ATP10A: variants seen among roughly 807,000 people sequenced by gnomAD.
ATP10A encodes the protein phospholipid-transporting ATPase VA.
Under a neutral mutation model 147.8 loss-of-function variants are expected in ATP10A, and 111 were observed. The ratio of observed to expected loss-of-function variants is 0.75; its 90% CI spans 0.64 to 0.88. The LOEUF (loss-of-function observed/expected upper bound fraction) is 0.88, where lower values mean the gene tolerates loss of function less well. Among genes scored for constraint, ATP10A ranks in the 40% least tolerant of loss-of-function variants. The probability of loss-of-function intolerance (pLI) is 0.00; values close to 1 mark genes in which losing one functional copy is unlikely to be tolerated. For missense variants in ATP10A, 1,927 were observed against 1,959.0 expected, an observed-to-expected ratio of 0.98 and a Z score of 0.31; for synonymous variants, 875 against 841.6, an observed-to-expected ratio of 1.04 and a Z score of -0.69.
intron 1 of ATP10A, among the ~76,000 whole-genome samples, chr15:25,794,487 G>C (rs566637637): frequency 4.6e-5 from 7 of 152,186 alleles, no homozygotes; most frequent in African/African-American, 1.7e-4. Context: ...AGTACCTTAA[G>C]CAAACAAACA....
rs758961668 is a variant in ATP10A, at chr15:25,679,569, G to A, written c.4272C>T (p.Thr1424=). Residue 1424 remains threonine, a synonymous_variant, in exon 21 of 21, where the codon ACC becomes ACT. Coordinates refer to ENST00000555815, the MANE Select transcript of ATP10A (RefSeq NM_024490.4). ...GCAGGCTGAAGAGGGAAGACAGGGG[G>A]GTCACCCTGCCGGTGCTGGCAGCTC... ...KVRAASTGRV[T]PLSSLFSLPT... is the part of the protein sequence containing the mutation. 1.2e-6 allele frequency: 2 copies of A among 1,611,058 alleles called. No homozygotes were observed. Among genetic ancestry groups the A allele is most frequent in the Admixed American group, 3.3e-5 (2 of 59,970 alleles).
intron 2 of ATP10A, among the ~76,000 whole-genome samples, chr15:25,758,736 C>CCACCTGCTCCACCCTAACTCATTCCGAT (rs1567361297): frequency 9.1e-6 from 1 of 109,504 alleles, no homozygotes; most frequent in Admixed American, 9.9e-5. Flanking sequence ...CTCATTCCGA[C>CCACCTGCTCCACCCTAACTCATTCCGAT]CACCTGCTCC....
At chr15:25,746,930 C>G (rs1887871416) in intron 2 of ATP10A, among the ~76,000 whole-genome samples, 2 of 152,008 alleles carry the variant, frequency 1.3e-5, no homozygotes, top group African/African-American at 4.8e-5. Flanking sequence ...AAGTGTAATG[C>G]AAATAATATC....
intron 1 of ATP10A, among the ~76,000 whole-genome samples, chr15:25,836,937 C>T (rs192476795): frequency 6.6e-6 from 1 of 152,306 alleles, no homozygotes; most frequent in East Asian, 1.9e-4. Context: ...TGCCATGGGG[C>T]TCTCTTTTCT....
downstream of ATP10A, among the ~76,000 whole-genome samples, chr15:25,674,996 A>T (rs1201832527): frequency 1.3e-5 from 2 of 152,222 alleles, no homozygotes; most frequent in Non-Finnish European, 2.9e-5. Context: ...AGAACTGAGG[A>T]TGCTGAAAAT....
At chr15:25,783,105 G>C (rs1890005279) in intron 1 of ATP10A, among the ~76,000 whole-genome samples, 1 of 152,182 alleles carries the variant, frequency 6.6e-6, no homozygotes, top group Non-Finnish European at 1.5e-5. Context: ...AAGCCCAGGA[G>C]ATCAAGGCTG....
intron 2 of ATP10A, among the ~76,000 whole-genome samples, 175 bp from the exon 3 acceptor site, chr15:25,736,316 C>T (rs1887278315): frequency 6.6e-6 from 1 of 152,208 alleles, no homozygotes. Flanking sequence ...TAATAAATAA[C>T]AGTTAATCAT....
intron 3 of ATP10A, among the ~76,000 whole-genome samples, chr15:25,729,793 C>G (rs1034072600): frequency 2.0e-5 from 3 of 152,206 alleles, no homozygotes; most frequent in Non-Finnish European, 4.4e-5. Flanking sequence ...CCAGGCCCCC[C>G]ACCCAGGCCA....
At chr15:25,800,639 T>G (rs1265857047) in intron 1 of ATP10A, among the ~76,000 whole-genome samples, 1 of 152,186 alleles carries the variant, frequency 6.6e-6, no homozygotes, top group Non-Finnish European at 1.5e-5. Flanking sequence ...AAAGTGAGTT[T>G]ACGGAGGTAC....
rs1892488083 is a variant in ATP10A, at chr15:25,834,068, C to T, written c.449+28580G>A. On this transcript the variant is annotated intron_variant, in intron 1 of 20. Coordinates refer to ENST00000555815, the MANE Select transcript of ATP10A (RefSeq NM_024490.4). The stretch of plus-strand genomic sequence containing the variant: ...TTATTATGCTATTATATGCTATTAA[C>T]TACTAACTATGTGTGTTATTAACTA... 2.0e-5 allele frequency among the ~76,000 whole-genome samples: 3 copies of T among 151,752 alleles called. No homozygotes were observed. The South Asian group carries it at 6.2e-4, about 31-fold the overall frequency.
At chr15:25,675,075 C>G (rs988681228), downstream of ATP10A, among the ~76,000 whole-genome samples, 17 of 152,336 alleles carry the variant, frequency 1.1e-4, no homozygotes, top group South Asian at 8.3e-4. Context: ...TGGGTGTGCG[C>G]ACGCTGCTCG....
intron 6 of ATP10A, among the ~76,000 whole-genome samples, chr15:25,722,424 T>G (rs1439076277): frequency 6.6e-6 from 1 of 152,222 alleles, no homozygotes; most frequent in Non-Finnish European, 1.5e-5. Context: ...GCTCTTCTTG[T>G]ACAATGCAGA....
chr15:25,688,013 G>T, intron 15 of ATP10A, 185 bp from the exon 16 acceptor site: 2 of 728,758 alleles, frequency 2.7e-6, no homozygotes, highest in Non-Finnish European at 4.7e-6. Context: ...TTACAAAAGA[G>T]GCAATCTCAC....
intron 1 of ATP10A, among the ~76,000 whole-genome samples, chr15:25,860,029 C>T (rs1052882049): frequency 5.3e-5 from 8 of 152,162 alleles, no homozygotes; most frequent in South Asian, 4.2e-4. Context: ...CACAGTCGTG[C>T]GTCTGGTCTT....
chr15:25,836,102 A>C (rs28573196), intron 1 of ATP10A, among the ~76,000 whole-genome samples: 31,699 of 152,122 alleles, frequency 0.21, 3,375 homozygotes, highest in South Asian at 0.24. Context: ...CATGAGCCAA[A>C]GCGCCTGGCC....
Position 25,726,030 on chromosome 15 carries a change from G to C in ATP10A, c.900C>G (p.Ser300Arg). The C allele has an allele frequency of 6.2e-7, 1 of 1,614,170 alleles. No homozygotes were observed. Among genetic ancestry groups the C allele is most frequent in the Non-Finnish European group, 8.5e-7 (1 of 1,180,012 alleles). The change falls in exon 5 of 21, where the codon AGC becomes AGG. Residue 300 changes from serine to arginine, a missense_variant. Transcript: ENST00000555815. ...LNNSGPRYKR[S>R]KLERQMNCDV... ...CGCAGTTCATCTGCCTCTCCAGCTT[G>C]CTGCGCTTGTAGCGGGGCCCACTGT...
chr15:25,696,202 A>C (rs1900329921), intron 13 of ATP10A, among the ~76,000 whole-genome samples: 1 of 152,196 alleles, frequency 6.6e-6, no homozygotes, highest in Non-Finnish European at 1.5e-5. Flanking sequence ...ACGCTTACTG[A>C]GGATCCTTTG....
chr15:25,765,280 T>C (rs142976274), intron 2 of ATP10A, among the ~76,000 whole-genome samples: 1 of 152,268 alleles, frequency 6.6e-6, no homozygotes, highest in Non-Finnish European at 1.5e-5. Context: ...CTCTATAGAA[T>C]ACCTGCCAAT....
chr15:25,757,885 CCTAA>C (rs756350382), intron 2 of ATP10A, among the ~76,000 whole-genome samples: 1,014 of 92,766 alleles, frequency 0.011, 49 homozygotes, highest in East Asian at 0.07. Flanking sequence ...CCTGCTCCAC[CCTAA>C]CTCATTCCTA....
Sources: gnomAD v4.1 joint callset for allele counts (sites outside exome capture counted in the v4.1 genomes callset) on GRCh38, gnomAD v4.1.1 for gene constraint, MANE v1.5 for transcripts, NCBI Gene and HGNC (gene_info 2026-07-23, HGNC 2026-07-21) for gene names.